MPPED2: variants seen among roughly 807,000 people sequenced by gnomAD.
MPPED2 encodes the protein metallophosphoesterase MPPED2.
Under a neutral mutation model 33.0 loss-of-function variants are expected in MPPED2, and 5 were observed. The observed-to-expected ratio is 0.15, with a 90% CI of 0.08 to 0.32. MPPED2 has a LOEUF of 0.32. Ranked by LOEUF, MPPED2 falls within the 10% of genes least tolerant of loss-of-function variation. The pLI, the probability that MPPED2 is intolerant of heterozygous loss-of-function variation, is 1.00. For missense variants in MPPED2, 275 were observed against 372.1 expected (o/e 0.74, Z 2.15); for synonymous variants, 136 against 141.9 (o/e 0.96, Z 0.29).
intron 4 of MPPED2, among the ~76,000 whole-genome samples, chr11:30,485,545 C>T (rs1296122452): frequency 2.0e-5 from 2 of 99,832 alleles, no homozygotes; most frequent in Non-Finnish European, 5.3e-5. Context: ...GGCCAAACCC[C>T]GCGGAGCTCT....
At chr11:30,459,464 A>T (rs1437307802) in intron 4 of MPPED2, among the ~76,000 whole-genome samples, 1 of 152,194 alleles carries the variant, frequency 6.6e-6, no homozygotes, top group Non-Finnish European at 1.5e-5. Flanking sequence ...TAAAACCTAA[A>T]CTATGGCTTT....
chr11:30,446,746 A>G (rs1949827370), intron 4 of MPPED2, among the ~76,000 whole-genome samples: 1 of 152,060 alleles, frequency 6.6e-6, no homozygotes, highest in African/African-American at 2.4e-5. Flanking sequence ...CACCCCTCGG[A>G]ATCCACACTC....
intron 4 of MPPED2, among the ~76,000 whole-genome samples, chr11:30,487,464 C>A (rs1404279197): frequency 6.6e-6 from 1 of 152,120 alleles, no homozygotes; most frequent in Non-Finnish European, 1.5e-5. Context: ...CTGACTCATG[C>A]CTTATAACAC....
chr11:30,525,602 A>G (rs1954123076), intron 3 of MPPED2, among the ~76,000 whole-genome samples: 1 of 152,122 alleles, frequency 6.6e-6, no homozygotes, highest in African/African-American at 2.4e-5. Context: ...TAAGAATTGA[A>G]GGCTGGAACA....
chr11:30,432,621 A>T (rs1277034590), intron 4 of MPPED2, among the ~76,000 whole-genome samples: 2 of 151,812 alleles, frequency 1.3e-5, no homozygotes, highest in Non-Finnish European at 2.9e-5. Flanking sequence ...GTTTTTTTTT[A>T]AAAACATACG....
At chr11:30,555,068 C>T (rs1476705786) in intron 2 of MPPED2, among the ~76,000 whole-genome samples, 1 of 152,164 alleles carries the variant, frequency 6.6e-6, no homozygotes, top group East Asian at 1.9e-4. Flanking sequence ...ATTCACCCCA[C>T]AGGACAAACT....
At chr11:30,399,492 G>T (rs1291982478) in intron 6 of MPPED2, among the ~76,000 whole-genome samples, 2 of 152,098 alleles carry the variant, frequency 1.3e-5, no homozygotes, top group Non-Finnish European at 2.9e-5. Flanking sequence ...CTGGAATGTT[G>T]GCAGGCATCA....
chr11:30,409,555 A>G (rs771959719), downstream of MPPED2, among the ~76,000 whole-genome samples: 7 of 152,188 alleles, frequency 4.6e-5, no homozygotes, highest in Non-Finnish European at 8.8e-5. Context: ...CATTCTGTCA[A>G]TTCTGCTGGT....
intron 4 of MPPED2, among the ~76,000 whole-genome samples, chr11:30,492,374 A>G (rs2134188635): frequency 6.6e-6 from 1 of 152,332 alleles, no homozygotes; most frequent in Admixed American, 6.5e-5. Flanking sequence ...CTATCAGTCC[A>G]GGGATTTCTG....
chr11:30,499,457 C>G (rs1952453544), intron 3 of MPPED2, among the ~76,000 whole-genome samples: 1 of 152,146 alleles, frequency 6.6e-6, no homozygotes, highest in Non-Finnish European at 1.5e-5. Flanking sequence ...TTTTGGAACA[C>G]TTTGGATTTT....
At chr11:30,568,690 G>A (rs954714859) in intron 2 of MPPED2, among the ~76,000 whole-genome samples, 4 of 152,112 alleles carry the variant, frequency 2.6e-5, no homozygotes, top group African/African-American at 9.7e-5. Flanking sequence ...TACAAAAAAC[G>A]CAATTATGGC....
intron 2 of MPPED2, among the ~76,000 whole-genome samples, chr11:30,568,127 T>TA (rs1956527360): frequency 6.6e-6 from 1 of 152,226 alleles, no homozygotes; most frequent in African/African-American, 2.4e-5. Context: ...GATACTGCAC[T>TA]AAGTGCTTTA....
chr11:30,499,509 T>C (rs1456766500), intron 3 of MPPED2, among the ~76,000 whole-genome samples: 11 of 152,178 alleles, frequency 7.2e-5, no homozygotes, highest in Non-Finnish European at 1.5e-4. Flanking sequence ...AATTGGCCTC[T>C]TAATCTGATT....
intron 5 of MPPED2, among the ~76,000 whole-genome samples, chr11:30,415,144 A>T (rs1010213642): frequency 6.6e-6 from 1 of 152,216 alleles, no homozygotes; most frequent in African/African-American, 2.4e-5. Context: ...CAGCGCCATT[A>T]GGTTATTTCT....
intron 4 of MPPED2, among the ~76,000 whole-genome samples, chr11:30,433,672 C>G (rs1485461075): frequency 6.6e-6 from 1 of 152,142 alleles, no homozygotes; most frequent in Non-Finnish European, 1.5e-5. Context: ...ATGTCTCAAG[C>G]CCATGATTAT....
In MPPED2 at chr11:30,401,851, A is replaced by AT. The variant is rs377378046; in HGVS notation, c.766+12376dup. Among the ~76,000 whole-genome samples, 10 of 140,090 alleles carry AT rather than the reference A, an allele frequency of 7.1e-5. 1 individual carries two copies. Among genetic ancestry groups the AT allele is most frequent in the Non-Finnish European group, 9.3e-5 (6 of 64,416 alleles). The allele number at this position is 140,090 out of a possible 152,430, so 91.9% of individuals were successfully genotyped here. A position where few individuals can be genotyped will look rare whatever the true frequency, so the allele number is the denominator to read the frequency against. On this transcript the variant is annotated intron_variant, in intron 6 of 6. Transcript: ENST00000448418. ...AGGCACCCGCTACCATGGCCAGCTA[A>AT]TTTTTTGTATTTTTTTTTTTTTCTT...
intron 4 of MPPED2, among the ~76,000 whole-genome samples, chr11:30,476,621 A>G (rs148179103): frequency 6.6e-6 from 1 of 152,140 alleles, no homozygotes; most frequent in East Asian, 1.9e-4. Flanking sequence ...CACCTTTCAT[A>G]TTACTTTGTT....
At chr11:30,400,184 T>C (rs1276032062) in intron 6 of MPPED2, among the ~76,000 whole-genome samples, 4 of 152,130 alleles carry the variant, frequency 2.6e-5, no homozygotes, top group African/African-American at 7.2e-5. Context: ...ATCAGCCTCC[T>C]AATCAGCCTC....
At chr11:30,422,485 A>G (rs1356760827) in intron 4 of MPPED2, among the ~76,000 whole-genome samples, 2 of 152,170 alleles carry the variant, frequency 1.3e-5, no homozygotes, top group Non-Finnish European at 2.9e-5. Context: ...AGAGCAGAAC[A>G]CTGAATGTGT....
Sources: allele counts gnomAD v4.1 joint callset (sites outside exome capture counted in the v4.1 genomes callset), GRCh38; gene constraint gnomAD v4.1.1; transcripts MANE v1.5; gene names NCBI Gene and HGNC (gene_info 2026-07-23, HGNC 2026-07-21).